MICU1: variants seen among roughly 807,000 people sequenced by gnomAD.
MICU1 encodes the protein calcium uptake protein 1, mitochondrial.
In MICU1, 45 loss-of-function variants were observed where a neutral mutation model predicts 56.8. That is an observed-to-expected ratio of 0.79 (90% CI 0.62 to 1.02). The LOEUF is 1.02. Ranked by LOEUF, MICU1 falls within the 50% of genes least tolerant of loss-of-function variation. The pLI is 0.00. For missense variants in MICU1, 504 were observed against 587.1 expected, an observed-to-expected ratio of 0.86 and a Z score of 1.46; for synonymous variants, 186 against 195.1, an observed-to-expected ratio of 0.95 and a Z score of 0.39.
At chr10:72,539,632 A>C (rs555362461) in intron 4 of MICU1, among the ~76,000 whole-genome samples, 1 of 152,308 alleles carries the variant, frequency 6.6e-6, no homozygotes, top group South Asian at 2.1e-4. Context: ...ACACTGAAAA[A>C]GAAGAAAGCC....
At chr10:72,430,784 T>C (rs1864500369) in intron 8 of MICU1, among the ~76,000 whole-genome samples, 1 of 152,162 alleles carries the variant, frequency 6.6e-6, no homozygotes. Context: ...GGTCATGAAC[T>C]CCTGACCTCA....
At chr10:72,491,375 C>T (rs912929074) in intron 6 of MICU1, among the ~76,000 whole-genome samples, 4 of 152,126 alleles carry the variant, frequency 2.6e-5, no homozygotes, top group African/African-American at 9.7e-5. Context: ...AATAATTACC[C>T]TTTAGTTTAC....
At chr10:72,548,087 A>G (rs1442390051) in intron 4 of MICU1, among the ~76,000 whole-genome samples, 2 of 152,374 alleles carry the variant, frequency 1.3e-5, no homozygotes, top group African/African-American at 2.4e-5. Context: ...ATGTTCCTAC[A>G]GGTGTCCCAT....
intron 10 of MICU1, among the ~76,000 whole-genome samples, chr10:72,397,968 A>C (rs1863324417): frequency 6.6e-6 from 1 of 152,206 alleles, no homozygotes; most frequent in Non-Finnish European, 1.5e-5. Context: ...ACCCCAAATC[A>C]ACAAAATATA....
intron 10 of MICU1, among the ~76,000 whole-genome samples, chr10:72,401,771 A>G (rs1472938203): frequency 2.0e-5 from 3 of 152,212 alleles, no homozygotes; most frequent in Admixed American, 2.0e-4. Flanking sequence ...CGATAGGATT[A>G]CTAATTACAG....
At chr10:72,395,479 G>A (rs543447019) in intron 10 of MICU1, among the ~76,000 whole-genome samples, 74 of 152,306 alleles carry the variant, frequency 4.9e-4, no homozygotes, top group African/African-American at 1.6e-3. Context: ...AGGGCGGGGC[G>A]TCGCCTCACC....
intron 3 of MICU1, among the ~76,000 whole-genome samples, chr10:72,551,775 ATTTT>A (rs1258146737): frequency 6.6e-6 from 1 of 152,046 alleles, no homozygotes; most frequent in Non-Finnish European, 1.5e-5. Flanking sequence ...TCCCAGAAGA[ATTTT>A]TTTAACATTC....
intron 4 of MICU1, among the ~76,000 whole-genome samples, chr10:72,538,110 T>C (rs1366121112): frequency 6.6e-6 from 1 of 152,128 alleles, no homozygotes; most frequent in Non-Finnish European, 1.5e-5. Context: ...ATGCCCACAG[T>C]ATTACAATAA....
At chr10:72,465,426 G>A (rs1865764082) in intron 8 of MICU1, among the ~76,000 whole-genome samples, 1 of 147,850 alleles carries the variant, frequency 6.8e-6, no homozygotes, top group African/African-American at 2.5e-5. Context: ...TGCATTCTGA[G>A]ATACCCAGTG....
At chr10:72,435,515 T>A (rs573604933) in intron 8 of MICU1, among the ~76,000 whole-genome samples, 1 of 151,902 alleles carries the variant, frequency 6.6e-6, no homozygotes, top group Admixed American at 6.6e-5. Flanking sequence ...AATTGAGGTA[T>A]CTGGTTCATC....
chr10:72,383,778 T>C (rs975633102), intron 10 of MICU1, among the ~76,000 whole-genome samples: 6 of 152,218 alleles, frequency 3.9e-5, no homozygotes, highest in African/African-American at 1.4e-4. Context: ...AAAGACTAAA[T>C]AGTCACCTTT....
intron 5 of MICU1, among the ~76,000 whole-genome samples, chr10:72,523,174 G>A (rs992350520): frequency 2.0e-5 from 3 of 152,080 alleles, no homozygotes; most frequent in African/African-American, 7.2e-5. Flanking sequence ...TCTTCCAGCC[G>A]TAAGCCATAC....
At chr10:72,522,719 A>C (rs551078441) in intron 5 of MICU1, among the ~76,000 whole-genome samples, 190 of 152,272 alleles carry the variant, frequency 1.2e-3, no homozygotes, top group Middle Eastern at 3.4e-3. Flanking sequence ...TTCCACAGGC[A>C]ATAGAAACTT....
chr10:72,417,516 C>T lies in MICU1; in HGVS notation c.1071+5718G>A, dbSNP rs1029320406. On this transcript the variant is annotated intron_variant, in intron 9 of 11. Transcript: ENST00000361114. ...ATAAGGGAAGGTCTTTTTCACAGCA[C>T]CTGGCTTAGTGTCTTGCACACAGCA... 4.0e-5 allele frequency among the ~76,000 whole-genome samples: 6 copies of T among 151,838 alleles called. No individual in the cohort carries two copies. In the East Asian group the frequency reaches 1.2e-3, roughly 29 times the overall value.
Position 72,397,076 on chromosome 10 carries a change from C to G in MICU1, c.1180+10853G>C, listed in dbSNP as rs1863291929. ...AAAGGGAAGCCCATCAGACTAACAG[C>G]AGATGTCTCAGCAGAAACCCTACAA... On this transcript the variant is annotated intron_variant, in intron 10 of 11. Transcript: ENST00000361114. Among the ~76,000 whole-genome samples, 3 of 152,320 alleles carry G rather than the reference C, an allele frequency of 2.0e-5. No homozygotes were observed. The South Asian group carries it at 6.2e-4, about 32-fold the overall frequency.
rs895180277 is a variant in MICU1, at chr10:72,575,222, A to G, written c.-1-8428T>C. On this transcript the variant is annotated intron_variant, in intron 1 of 11. Coordinates refer to ENST00000361114, the MANE Select transcript of MICU1 (RefSeq NM_001195518.2). ...CTTTTTGGAAACACTCATCTCACAC[A>G]TGTAAGCAGCAGTCTCCTCTGTCTG... 3.3e-5 allele frequency among the ~76,000 whole-genome samples: 5 copies of G among 152,268 alleles called. No individual in the cohort carries two copies. The East Asian group carries it at 7.7e-4, about 24-fold the overall frequency.
At chr10:72,368,384 T>C (rs1862217768) in intron 11 of MICU1, 29 bp from the exon 12 acceptor site, 1 of 1,605,442 alleles carries the variant, frequency 6.2e-7, no homozygotes, top group South Asian at 1.1e-5. Context: ...ACAACAGGGA[T>C]AAGTGTTGGC....
chr10:72,608,121 T>C (rs1841742300), intron 1 of MICU1, among the ~76,000 whole-genome samples: 1 of 152,080 alleles, frequency 6.6e-6, no homozygotes, highest in African/African-American at 2.4e-5. Context: ...CAAGCTGGAG[T>C]GCAGTGGTGT....
chr10:72,448,097 G>A (rs756980671), intron 8 of MICU1, among the ~76,000 whole-genome samples: 2 of 145,874 alleles, frequency 1.4e-5, no homozygotes, highest in Non-Finnish European at 3.0e-5. Context: ...TTCACATTGG[G>A]CACCATGGAA....
Sources: gnomAD v4.1 joint callset for allele counts (sites outside exome capture counted in the v4.1 genomes callset) on GRCh38, gnomAD v4.1.1 for gene constraint, MANE v1.5 for transcripts, NCBI Gene and HGNC (gene_info 2026-07-23, HGNC 2026-07-21) for gene names.